ZRANB3: variants seen among roughly 807,000 people sequenced by gnomAD.
ZRANB3 encodes the protein DNA annealing helicase and endonuclease ZRANB3.
Under a neutral mutation model 133.8 loss-of-function variants are expected in ZRANB3, and 125 were observed. The ratio of observed to expected loss-of-function variants is 0.93; its 90% CI spans 0.81 to 1.08. The LOEUF (loss-of-function observed/expected upper bound fraction) is 1.08, where lower values mean the gene tolerates loss of function less well. Ranked by LOEUF, ZRANB3 falls within the 50% of genes least tolerant of loss-of-function variation. The pLI is 0.00. For missense variants in ZRANB3, 1,229 were observed against 1,275.5 expected (o/e 0.96, Z 0.56); for synonymous variants, 387 against 432.7 (o/e 0.89, Z 1.31).
At chr2:135,357,209 C>T (rs1685476284) in intron 3 of ZRANB3, among the ~76,000 whole-genome samples, 3 of 152,090 alleles carry the variant, frequency 2.0e-5, no homozygotes, top group South Asian at 2.1e-4. Flanking sequence ...AAGTGATTCT[C>T]GTGCCTTAGC....
At chr2:135,529,435 G>T (rs1694303396) in intron 1 of ZRANB3, among the ~76,000 whole-genome samples, 4 of 152,100 alleles carry the variant, frequency 2.6e-5, no homozygotes, top group Non-Finnish European at 5.9e-5. Context: ...ATGAATAAAG[G>T]CATCTTTTTA....
intron 3 of ZRANB3, among the ~76,000 whole-genome samples, chr2:135,375,135 G>A (rs1001668865): frequency 6.6e-6 from 1 of 152,156 alleles, no homozygotes; most frequent in African/African-American, 2.4e-5. Flanking sequence ...AAGACACTTC[G>A]ACAGTTTCTG....
intron 2 of ZRANB3, among the ~76,000 whole-genome samples, chr2:135,491,444 A>G (rs539759166): frequency 1.3e-5 from 2 of 152,264 alleles, no homozygotes; most frequent in East Asian, 3.9e-4. Context: ...TCCCGGGTTT[A>G]TGCGATTCTC....
intron 6 of ZRANB3, among the ~76,000 whole-genome samples, chr2:135,323,222 G>C (rs1683629325): frequency 6.6e-6 from 1 of 152,104 alleles, no homozygotes; most frequent in South Asian, 2.1e-4. Flanking sequence ...GAAACAGTTT[G>C]ACACATGATA....
chr2:135,515,049 T>C (rs765732146), intron 1 of ZRANB3, among the ~76,000 whole-genome samples: 1 of 152,176 alleles, frequency 6.6e-6, no homozygotes, highest in Non-Finnish European at 1.5e-5. Flanking sequence ...AGTATTTTAT[T>C]GAGTATTTTC....
intron 8 of ZRANB3, among the ~76,000 whole-genome samples, chr2:135,286,258 G>C (rs1573831806): frequency 6.6e-6 from 1 of 152,190 alleles, no homozygotes; most frequent in East Asian, 1.9e-4. Context: ...AAGTCCCATT[G>C]TATCATTCTT....
chr2:135,297,526 G>A (rs1306902743), intron 8 of ZRANB3, among the ~76,000 whole-genome samples: 2 of 152,208 alleles, frequency 1.3e-5, no homozygotes, highest in Admixed American at 6.5e-5. Context: ...TGCGCTTCAC[G>A]GGTGAGGCGA....
intron 2 of ZRANB3, among the ~76,000 whole-genome samples, chr2:135,450,046 T>C (rs573268178): frequency 1.3e-5 from 2 of 152,310 alleles, no homozygotes; most frequent in East Asian, 1.9e-4. Flanking sequence ...CTGGTCCACA[T>C]TTTGTAATGA....
intron 2 of ZRANB3, among the ~76,000 whole-genome samples, chr2:135,421,931 G>A (rs1185839829): frequency 1.4e-5 from 2 of 145,320 alleles, no homozygotes; most frequent in Non-Finnish European, 3.0e-5. Context: ...GTTTCCCAAG[G>A]TTCTGGCCAT....
intron 1 of ZRANB3, chr2:135,510,842 C>T: frequency 1.1e-6 from 1 of 918,710 alleles, no homozygotes; most frequent in South Asian, 1.3e-5. Context: ...TGTGCAACTC[C>T]ACCACGTTCC....
At chr2:135,505,787 G>T (rs558188485) in intron 1 of ZRANB3, among the ~76,000 whole-genome samples, 1 of 152,112 alleles carries the variant, frequency 6.6e-6, no homozygotes, top group Non-Finnish European at 1.5e-5. Context: ...TTCTTCAGGG[G>T]AAAACTAAAA....
chr2:135,218,672 T>C (rs920239767), intron 16 of ZRANB3, among the ~76,000 whole-genome samples: 3 of 152,240 alleles, frequency 2.0e-5, no homozygotes, highest in Admixed American at 1.3e-4. Flanking sequence ...TGCATGCTAG[T>C]GCTTCTGATA....
intron 2 of ZRANB3, among the ~76,000 whole-genome samples, chr2:135,397,211 G>T (rs760027730): frequency 3.9e-5 from 6 of 152,062 alleles, no homozygotes; most frequent in Non-Finnish European, 5.9e-5. Context: ...GGTAAGCTGA[G>T]GTGGGAGGAT....
chr2:135,364,279 T>A (rs770140439), intron 3 of ZRANB3, among the ~76,000 whole-genome samples: 33 of 152,170 alleles, frequency 2.2e-4, no homozygotes, highest in Non-Finnish European at 2.9e-4. Context: ...CATTTCCTCA[T>A]CAGGAGAAAC....
chr2:135,338,696 G>C (rs1348497402), intron 6 of ZRANB3, among the ~76,000 whole-genome samples: 1 of 152,216 alleles, frequency 6.6e-6, no homozygotes, highest in Non-Finnish European at 1.5e-5. Flanking sequence ...CCACTGTATG[G>C]AGGTACAATA....
intron 2 of ZRANB3, among the ~76,000 whole-genome samples, chr2:135,425,535 C>A (rs564283308): frequency 2.0e-5 from 3 of 152,034 alleles, no homozygotes; most frequent in Non-Finnish European, 4.4e-5. Flanking sequence ...TAGATTTTTC[C>A]ATAATCAAAA....
intron 2 of ZRANB3, among the ~76,000 whole-genome samples, chr2:135,440,521 T>C (rs1312856363): frequency 1.3e-5 from 2 of 152,124 alleles, no homozygotes; most frequent in African/African-American, 4.8e-5. Context: ...GGCTTGAAGA[T>C]GGGGGAGCCT....
intron 2 of ZRANB3, among the ~76,000 whole-genome samples, chr2:135,486,633 C>A (rs1692136808): frequency 6.6e-6 from 1 of 152,128 alleles, no homozygotes; most frequent in African/African-American, 2.4e-5. Flanking sequence ...CCTGCCTCAG[C>A]CTTCTGAGTA....
chr2:135,492,791 T>C (rs138587260), intron 2 of ZRANB3, among the ~76,000 whole-genome samples: 34 of 152,010 alleles, frequency 2.2e-4, no homozygotes, highest in Middle Eastern at 3.4e-3. Context: ...AATAAGGCCC[T>C]AGACCTAAAA....
Sources: allele counts gnomAD v4.1 joint callset (sites outside exome capture counted in the v4.1 genomes callset), GRCh38; gene constraint gnomAD v4.1.1; transcripts MANE v1.5; gene names NCBI Gene and HGNC (gene_info 2026-07-23, HGNC 2026-07-21).